The following PLXNA1 variants were observed in gnomAD, a reference collection of about 807,000 sequenced individuals.
PLXNA1 encodes plexin A1.
PLXNA1 carries 77 observed loss-of-function variants against 191.7 expected under a neutral mutation model. That is an observed-to-expected ratio of 0.40 (90% confidence interval 0.33 to 0.49). The LOEUF is 0.49. Ranked by LOEUF, PLXNA1 falls within the 20% of genes least tolerant of loss-of-function variation. The pLI, the probability that PLXNA1 is intolerant of heterozygous loss-of-function variation, is 0.63. For missense variants in PLXNA1, 2,110 were observed against 2,660.2 expected (o/e 0.79, Z 4.55); for synonymous variants, 1,137 against 1,156.4 (o/e 0.98, Z 0.34).
At chr3:127,029,185 G>A in intron 26 of PLXNA1, 89 bp downstream of exon 26, 2 of 1,067,078 alleles carry the variant, frequency 1.9e-6, no homozygotes, top group Admixed American at 2.0e-5. Context: ...CATGTGGGCT[G>A]GACAGCAGCT....
At chr3:127,008,651 G>A (rs980590859) in intron 9 of PLXNA1, among the ~76,000 whole-genome samples, 2 of 152,282 alleles carry the variant, frequency 1.3e-5, no homozygotes, top group East Asian at 3.9e-4. Flanking sequence ...TTCCTTTGCT[G>A]TGGACACTCC....
In PLXNA1 at chr3:126,985,842, G is replaced by T. The variant is rs554101403; in HGVS notation, c.-74+2555G>T. The stretch of plus-strand genomic sequence containing the variant: ...GCCCCAAGTCTTATACCCCTAAGGT[G>T]GAAGAAGTGGCCCAAGCATTGTCAC... On this transcript the variant is annotated intron_variant, in intron 1 of 31. Transcript: ENST00000393409. 3.3e-5 allele frequency among the ~76,000 whole-genome samples: 5 copies of T among 152,364 alleles called. No individual in the cohort carries two copies. The South Asian group carries it at 8.3e-4, about 25-fold the overall frequency.
At chr3:126,996,554 G>A (rs888518361) in intron 3 of PLXNA1, among the ~76,000 whole-genome samples, 1 of 152,186 alleles carries the variant, frequency 6.6e-6, no homozygotes, top group Non-Finnish European at 1.5e-5. Context: ...CTGTGCCAGG[G>A]ATGTGGTAGG....
rs991656145 is a variant in PLXNA1 at position 127,015,241 on chromosome 3, A to C, written c.2935A>C (p.Ile979Leu). 3 of 1,611,694 alleles carry C rather than the reference A, an allele frequency of 1.9e-6. No individual in the cohort carries two copies. Among genetic ancestry groups the C allele is most frequent in the African/African-American group, 1.3e-5 (1 of 74,234 alleles). The change falls in exon 15 of 32, where the codon ATT (isoleucine) becomes CTT (leucine). Residue 979 changes from isoleucine to leucine, a missense_variant. Physicochemically the swap from Ile to Leu is conservative, Grantham distance 5 (BLOSUM62 2). This residue lies in a region of PLXNA1 where 644 missense variants were observed against 714.3 expected (regional missense o/e 0.90). Transcript: ENST00000393409. Reference sequence around the variant, plus strand: ...TGGGCCTCTGTCAGGGGGCACCTGGATTGGCATCGAGGGAAGCCACCTGAA... The same window carrying C: ...TGGGCCTCTGTCAGGGGGCACCTGGCTTGGCATCGAGGGAAGCCACCTGAA... The part of the protein sequence containing the change: ...SRGPLSGGTW[I>L]GIEGSHLNAG...
Position 127,017,411 on chromosome 3 carries a change from C to T in PLXNA1, c.3277-14C>T. On this transcript the variant is annotated splice_polypyrimidine_tract_variant and intron_variant, in intron 17 of 31. Coordinates refer to ENST00000393409, the MANE Select transcript of PLXNA1 (RefSeq NM_032242.4). ...GCGGAGGTCCCGCCCAGCATCCCCA[C>T]CCTGTGTCTCCAGGGCTGCCTGGTG... The T allele has an allele frequency of 1.2e-6, 2 of 1,609,668 alleles. No individual in the cohort carries two copies. The highest frequency in any genetic ancestry group is 1.7e-6 in the Non-Finnish European group (2 of 1,178,000).
In PLXNA1 at chr3:127,028,039, C is replaced by T. The variant is rs1369714901; in HGVS notation, c.4462C>T (p.Leu1488=). The T allele has an allele frequency of 1.9e-6, 3 of 1,614,070 alleles. No individual in the cohort carries two copies. The highest frequency in any genetic ancestry group is 2.5e-6 in the Non-Finnish European group (3 of 1,180,006). ...DAITGEARYS[L]SEDKLIRQQI... ...CATCACGGGTGAGGCACGCTACTCC[C>T]TGAGTGAGGACAAGCTCATCCGGCA... The change falls in exon 24 of 32, where the codon CTG becomes TTG. Residue 1488 remains leucine, a synonymous_variant. Transcript: ENST00000393409.
chr3:126,998,499 A>C (rs1265827595), intron 3 of PLXNA1, among the ~76,000 whole-genome samples: 1 of 152,114 alleles, frequency 6.6e-6, no homozygotes, highest in Non-Finnish European at 1.5e-5. Context: ...CCCGGAGCCC[A>C]GGCAGTGGTA....
intron 3 of PLXNA1, among the ~76,000 whole-genome samples, chr3:126,993,596 A>T (rs9858027): frequency 0.39 from 59,437 of 151,960 alleles, 12,631 homozygotes; most frequent in African/African-American, 0.57. Context: ...CCAGCACCCA[A>T]CCTGGGTACC....
chr3:127,003,229 C>T, intron 3 of PLXNA1, 101 bp from the exon 4 acceptor site: 1 of 1,323,916 alleles, frequency 7.6e-7, no homozygotes, highest in Non-Finnish European at 1.0e-6. Flanking sequence ...CATGTCTGGG[C>T]AGCTCAGGGA....
rs764903257 is a variant in PLXNA1 at position 127,018,344 on chromosome 3, G to A, written c.3711G>A (p.Ser1237=). 4.9e-5 allele frequency: 79 copies of A among 1,612,554 alleles called. 1 individual carries two copies. Among genetic ancestry groups the A allele is most frequent in the Admixed American group, 2.2e-4 (13 of 59,984 alleles). The part of the protein sequence containing the change: ...EFSPGTLQVY[S]DSLLTLPAIV... ...CGCCAGGGACACTGCAGGTGTACTC[G>A]GACAGCCTGCTGACGCTGCCTGCCA... Residue 1237 remains serine (S), a synonymous_variant, in exon 20 of 32, where the codon TCG becomes TCA. Coordinates refer to ENST00000393409, the MANE Select transcript of PLXNA1 (RefSeq NM_032242.4).
Position 127,028,049 on chromosome 3 carries a change from A to G in PLXNA1, c.4472A>G (p.Asp1491Gly). 1 of 1,614,018 alleles carries G rather than the reference A, an allele frequency of 6.2e-7. No individual in the cohort carries two copies. The highest frequency in any genetic ancestry group is 1.1e-5 in the South Asian group (1 of 91,086). ...GAGGCACGCTACTCCCTGAGTGAGG[A>G]CAAGCTCATCCGGCAGCAGATTGAC... is the stretch of plus-strand genomic sequence containing the variant. The part of the protein sequence containing the change: ...TGEARYSLSE[D>G]KLIRQQIDYK... The change falls in exon 24 of 32, where the codon GAC becomes GGC. Residue 1491 changes from aspartate to glycine, a missense_variant. Asp to Gly is a moderately conservative substitution (Grantham distance 94). Coordinates refer to ENST00000393409, the MANE Select transcript of PLXNA1 (RefSeq NM_032242.4).
intron 19 of PLXNA1, 127 bp downstream of exon 19, chr3:127,018,019 C>T: frequency 7.7e-7 from 1 of 1,296,732 alleles, no homozygotes; most frequent in East Asian, 2.5e-5. Context: ...GCGCCCGGCT[C>T]CAGTGCAGGC....
chr3:127,009,076 G>A (rs1043687985), intron 9 of PLXNA1, among the ~76,000 whole-genome samples: 1 of 152,128 alleles, frequency 6.6e-6, no homozygotes, highest in African/African-American at 2.4e-5. Flanking sequence ...GGTCCTGGGG[G>A]CCTCTCGGGC....
chr3:127,004,443 G>A (rs1484849954), intron 4 of PLXNA1, among the ~76,000 whole-genome samples, 168 bp from the exon 5 acceptor site: 1 of 152,184 alleles, frequency 6.6e-6, no homozygotes, highest in African/African-American at 2.4e-5. Context: ...CCTGACCTGT[G>A]CGACCTGGCT....
chr3:127,004,774 G>T lies in PLXNA1; in HGVS notation c.1619+63G>T. 4 of 1,590,460 alleles carry T rather than the reference G, an allele frequency of 2.5e-6. No individual in the cohort carries two copies. In the South Asian group the frequency reaches 3.4e-5, roughly 13 times the overall value. ...GCCATGGTGGTCTCACAGTGGGGGA[G>T]GGGGAGCCTGGTGCAGGGCAAGCCA... On this transcript the variant is annotated intron_variant, in intron 5 of 31. Transcript: ENST00000393409.
intron 4 of PLXNA1, among the ~76,000 whole-genome samples, chr3:127,003,990 T>C (rs2079053389): frequency 6.6e-6 from 1 of 152,244 alleles, no homozygotes; most frequent in African/African-American, 2.4e-5. Context: ...ACCCCTGCCC[T>C]ATGGCCCAAC....
Position 127,028,998 on chromosome 3 carries a change from C to G in PLXNA1, c.4675C>G (p.Arg1559Gly). Residue 1559 changes from arginine to glycine, a missense_variant, in exon 26 of 32, where the codon CGC (arginine) becomes GGC (glycine). Around this residue, in one of 4 missense-constraint regions of PLXNA1, gnomAD observed 559 missense variants for 911.5 expected, o/e 0.61. Transcript: ENST00000393409. ...CCAGCTCCCTCCTCCCCCAGAGTGG[C>G]GCCAGGGCCGCATGGCGCGCATCAT... Reference protein sequence around the residue: ...PKAADMDLEWRQGRMARIILQ... With the variant: ...PKAADMDLEWGQGRMARIILQ... The G allele has an allele frequency of 6.2e-7, 1 of 1,611,732 alleles. No individual in the cohort carries two copies. The highest frequency in any genetic ancestry group is 8.5e-7 in the Non-Finnish European group (1 of 1,179,516).
intron 23 of PLXNA1, chr3:127,026,247 G>A (rs2079175901): frequency 6.6e-6 from 1 of 152,380 alleles, no homozygotes; most frequent in South Asian, 2.1e-4. Flanking sequence ...GAAGAAGTGG[G>A]TGGAGTGGGG....
intron 3 of PLXNA1, among the ~76,000 whole-genome samples, chr3:126,998,435 C>T (rs893372882): frequency 5.3e-5 from 8 of 152,138 alleles, no homozygotes; most frequent in Non-Finnish European, 7.4e-5. Context: ...CCCACAGGAC[C>T]CGTGCTGGTG....
Sources: allele counts gnomAD v4.1 joint callset (sites outside exome capture counted in the v4.1 genomes callset), GRCh38; gene constraint gnomAD v4.1.1; regional missense constraint gnomAD v4.1.1; transcripts MANE v1.5; gene names NCBI Gene and HGNC (gene_info 2026-07-23, HGNC 2026-07-21).